The following TMEM214 variants were observed in gnomAD, a reference collection of about 807,000 sequenced individuals.
TMEM214 encodes transmembrane protein 214.
TMEM214 carries 71 observed loss-of-function variants against 89.8 expected under a neutral mutation model. The ratio of observed to expected loss-of-function variants is 0.79; its 90% CI spans 0.65 to 0.96. The LOEUF (loss-of-function observed/expected upper bound fraction) is 0.96, where lower values mean the gene tolerates loss of function less well. Ranked by LOEUF, TMEM214 falls within the 40% of genes least tolerant of loss-of-function variation. The pLI, the probability that TMEM214 is intolerant of heterozygous loss-of-function variation, is 0.00. For missense variants in TMEM214, 754 were observed against 843.4 expected, an observed-to-expected ratio of 0.89 and a Z score of 1.31; for synonymous variants, 332 against 349.5, an observed-to-expected ratio of 0.95 and a Z score of 0.56.
rs755658794 is a variant in TMEM214, at chr2:27,034,020, T to A, written c.152-47T>A. 3.1e-6 allele frequency: 5 copies of A among 1,602,332 alleles called. No homozygotes were observed. In the South Asian group the frequency reaches 5.5e-5, roughly 18 times the overall value. ...AAGGGACCACTGATAGGTGAGGCCT[T>A]GGGGACTCAAGGGTGGCCTGCCTTT... On this transcript the variant is annotated intron_variant, in intron 1 of 16. Transcript: ENST00000238788.
rs1321543231 is a variant in TMEM214, at chr2:27,037,076, G to A, written c.909-1G>A. The stretch of plus-strand genomic sequence containing the variant: ...GCGAGCCTGTTTCTTCATCCCCACA[G>A]GATGCATCCCAACCTTACCAAGGGC... On this transcript the variant is annotated splice_acceptor_variant, in intron 7 of 16. Transcript: ENST00000238788. LOFTEE classifies it high-confidence loss of function. The A allele has an allele frequency of 1.9e-6, 3 of 1,613,868 alleles. No homozygotes were observed. The highest frequency in any genetic ancestry group is 2.5e-6 in the Non-Finnish European group (3 of 1,179,828).
intron 13 of TMEM214, 21 bp downstream of exon 13, chr2:27,039,185 G>T (rs764817221): frequency 1.9e-6 from 3 of 1,604,932 alleles, no homozygotes; most frequent in Non-Finnish European, 2.6e-6. Flanking sequence ...ATGGGCAAGC[G>T]AGGAGGATGG....
Position 27,032,984 on chromosome 2 carries a change from G to C in TMEM214, c.-32G>C. 8.0e-7 allele frequency: 1 copy of C among 1,244,968 alleles called. No homozygotes were observed. The highest frequency in any genetic ancestry group is 3.2e-5 in the East Asian group (1 of 31,624). The allele number at this position is 1,244,968 out of a possible 1,614,324, so 77.1% of individuals were successfully genotyped here. On this transcript the variant is annotated 5_prime_UTR_variant, in exon 1 of 17. Coordinates refer to ENST00000238788, the MANE Select transcript of TMEM214 (RefSeq NM_017727.5). ...GCGCTCGCGCCGGACCGGAAAGCCGGGGAAGTGGCCGAGGAGGGAGGGCTG... is the reference window on the plus strand; with the variant it reads ...GCGCTCGCGCCGGACCGGAAAGCCGCGGAAGTGGCCGAGGAGGGAGGGCTG...
chr2:27,039,589 C>T, intron 13 of TMEM214, 152 bp from the exon 14 acceptor site: 1 of 718,080 alleles, frequency 1.4e-6, no homozygotes, highest in Non-Finnish European at 2.5e-6. Flanking sequence ...GCATGCCTCC[C>T]TCCACAGCAG....
rs201738953 is a variant in TMEM214, at chr2:27,036,770, C to T, written c.892C>T (p.Leu298=). 8 of 1,614,084 alleles carry T rather than the reference C, an allele frequency of 5.0e-6. 1 individual carries two copies. In the African/African-American group the frequency reaches 1.1e-4, roughly 22 times the overall value. ...TCTGTCTCCCTTTGCCATCACATAC[C>T]TGGATCGGCTGCTCCTGTGAGTAAT... is the stretch of plus-strand genomic sequence containing the variant. ...KSLSPFAITY[L]DRLLLMHPNL... Residue 298 remains leucine, a synonymous_variant, in exon 7 of 17, where the codon CTG becomes TTG. Coordinates refer to ENST00000238788, the MANE Select transcript of TMEM214 (RefSeq NM_017727.5).
At chr2:27,040,593 G>A (rs1667796321) in intron 16 of TMEM214, 97 bp downstream of exon 16, 4 of 1,583,172 alleles carry the variant, frequency 2.5e-6, no homozygotes, top group Non-Finnish European at 8.6e-7. Context: ...ACACTGTCCT[G>A]CCCCTCGCTC....
Position 27,038,507 on chromosome 2 carries a change from G to C in TMEM214, c.1268G>C (p.Ser423Thr), listed in dbSNP as rs201081254. ...AGCCTTCTGCTGGAGCACTTGCTCA[G>C]CTCCTGGGAGCAGATTCCCAAGAAG... ...QSSLLLEHLL[S>T]SWEQIPKKVQ... Residue 423 changes from serine (S) to threonine (T), a missense_variant, in exon 11 of 17, where the codon AGC becomes ACC. Transcript: ENST00000238788. This position sits in a 1 kb window ranked among gnomAD's most constrained non-coding sequence, Gnocchi z 4.4. 1.5e-4 allele frequency: 242 copies of C among 1,614,106 alleles called. 1 individual carries two copies. In the African/African-American group the frequency reaches 2.7e-3, roughly 18 times the overall value.
Position 27,041,406 on chromosome 2 carries a change from C to T in TMEM214, c.*569C>T, listed in dbSNP as rs115132011. Reference sequence around the variant, plus strand: ...GGACATGGGGAGCTGGATGGAAATGCCTCTCACTTCAAAATGCCCAGCCTG... The same window carrying T: ...GGACATGGGGAGCTGGATGGAAATGTCTCTCACTTCAAAATGCCCAGCCTG... On this transcript the variant is annotated 3_prime_UTR_variant, in exon 17 of 17. Coordinates refer to ENST00000238788, the MANE Select transcript of TMEM214 (RefSeq NM_017727.5). 5.5e-3 allele frequency: 851 copies of T among 154,456 alleles called. 5 individuals are homozygous for T. The highest frequency in any genetic ancestry group is 0.01 in the Non-Finnish European group (688 of 68,534). The allele number at this position is 154,456 out of a possible 1,614,324, so 9.6% of individuals were successfully genotyped here. A position where few individuals can be genotyped will look rare whatever the true frequency, so the allele number is the denominator to read the frequency against.
At chr2:27,034,877 C>A (rs1360393541) in intron 2 of TMEM214, among the ~76,000 whole-genome samples, 1 of 152,174 alleles carries the variant, frequency 6.6e-6, no homozygotes, top group East Asian at 1.9e-4. Context: ...AGCCACCGCG[C>A]CTGGCCCTCT....
rs755976209 is a variant in TMEM214, at chr2:27,036,104, G to C, written c.720+52G>C. The C allele has an allele frequency of 4.5e-6, 7 of 1,560,462 alleles. No individual in the cohort carries two copies. The Admixed American group carries it at 1.2e-4, about 27-fold the overall frequency. On this transcript the variant is annotated intron_variant, in intron 5 of 16. Transcript: ENST00000238788. ...CTAGGAAGCTAGGACTGGGGAGGCT[G>C]GGCAGAATCTATGTTGTTGGACTCA...
In TMEM214 at chr2:27,038,446, G is replaced by A. The variant is rs375588317; in HGVS notation, c.1245-38G>A. Reference sequence around the variant, plus strand: ...AGGACAGGAGGATGGGTGAGGCTGCGCGAGCCACCTGACTAGGGGGTTGTG... The same window carrying A: ...AGGACAGGAGGATGGGTGAGGCTGCACGAGCCACCTGACTAGGGGGTTGTG... On this transcript the variant is annotated intron_variant, in intron 10 of 16. Coordinates refer to ENST00000238788, the MANE Select transcript of TMEM214 (RefSeq NM_017727.5). The surrounding 1 kb of genome is among the most constrained non-coding windows in gnomAD (Gnocchi z 4.4). 90 of 1,612,648 alleles carry A rather than the reference G, an allele frequency of 5.6e-5. No individual in the cohort carries two copies. Among genetic ancestry groups the A allele is most frequent in the Non-Finnish European group, 6.7e-5 (79 of 1,179,578 alleles).
intron 1 of TMEM214, 81 bp from the exon 2 acceptor site, chr2:27,033,986 G>T: frequency 6.9e-7 from 1 of 1,446,206 alleles, no homozygotes; most frequent in Non-Finnish European, 9.6e-7. Flanking sequence ...TTAGGTGGCA[G>T]TGTGGGGAAA....
Position 27,040,437 on chromosome 2 carries a change from G to A in TMEM214, c.1884G>A (p.Leu628=), listed in dbSNP as rs367675035. 1.2e-6 allele frequency: 2 copies of A among 1,614,098 alleles called. No individual in the cohort carries two copies. The highest frequency in any genetic ancestry group is 3.3e-5 in the Admixed American group (2 of 60,016). Residue 628 remains leucine (L), a synonymous_variant, in exon 16 of 17, where the codon CTG becomes CTA. Coordinates refer to ENST00000238788, the MANE Select transcript of TMEM214 (RefSeq NM_017727.5). ...LLFHQNVLLP[L]WHLLLEALAW... ...TCCACCAGAATGTGCTGCTGCCACT[G>A]TGGCACCTCTTGCTTGAGGCCCTGG...
At chr2:27,037,286 C>A in intron 8 of TMEM214, 108 bp downstream of exon 8, 1 of 1,008,564 alleles carries the variant, frequency 9.9e-7, no homozygotes, top group Non-Finnish European at 1.6e-6. Flanking sequence ...AGATTTGCAA[C>A]CTGGAAGTTC....
chr2:27,035,861 A>G, intron 4 of TMEM214, 109 bp from the exon 5 acceptor site: 1 of 1,578,124 alleles, frequency 6.3e-7, no homozygotes, highest in Non-Finnish European at 8.7e-7. Flanking sequence ...GTGTGGAGGA[A>G]GTTAGGAGTC....
intron 2 of TMEM214, among the ~76,000 whole-genome samples, chr2:27,034,811 T>TG (rs1667476180): frequency 6.6e-6 from 1 of 151,936 alleles, no homozygotes; most frequent in Admixed American, 6.6e-5. Context: ...CTTGAACTCC[T>TG]GACCTCAGGT....
chr2:27,038,917 G>GC lies in TMEM214; in HGVS notation c.1407+108dup, dbSNP rs1667691940. ...CACATTCCTGCCCCACCTGTCTGGA[G>GC]CCCCCCGCTGCCTCCAGGATAATGT... On this transcript the variant is annotated intron_variant, in intron 12 of 16. Transcript: ENST00000238788. This position sits in a 1 kb window ranked among gnomAD's most constrained non-coding sequence, Gnocchi z 4.4. The GC allele has an allele frequency of 1.4e-6, 2 of 1,401,504 alleles. No homozygotes were observed. Among genetic ancestry groups the GC allele is most frequent in the South Asian group, 1.2e-5 (1 of 84,088 alleles). 86.8% of individuals were successfully genotyped at this position (1,401,504 alleles called of 1,614,324 possible). A position where few individuals can be genotyped will look rare whatever the true frequency, so the allele number is the denominator to read the frequency against.
chr2:27,040,847 T>C lies in TMEM214; in HGVS notation c.*10T>C. On this transcript the variant is annotated 3_prime_UTR_variant, in exon 17 of 17. Coordinates refer to ENST00000238788, the MANE Select transcript of TMEM214 (RefSeq NM_017727.5). ...GATATCCCAGCAGTAGGCCCTGCCT[T>C]CCTGGCCACTGATTTCTGCATGGGT... The C allele has an allele frequency of 6.2e-7, 1 of 1,611,290 alleles. No homozygotes were observed. Among genetic ancestry groups the C allele is most frequent in the East Asian group, 2.2e-5 (1 of 44,756 alleles).
intron 13 of TMEM214, chr2:27,039,523 C>T: frequency 1.6e-6 from 1 of 606,650 alleles, no homozygotes; most frequent in Non-Finnish European, 2.9e-6. Context: ...TGAGCCTAGG[C>T]TCCAACCGGC....
Sources: gnomAD v4.1 joint callset for allele counts (sites outside exome capture counted in the v4.1 genomes callset) on GRCh38, gnomAD v4.1.1 for gene constraint, Gnocchi (gnomAD v3.1) non-coding constraint, MANE v1.5 for transcripts, NCBI Gene and HGNC (gene_info 2026-07-23, HGNC 2026-07-21) for gene names.